The following TMOD2 variants were observed in gnomAD, a reference collection of about 807,000 sequenced individuals.
TMOD2 encodes the protein tropomodulin 2.
TMOD2 carries 22 observed loss-of-function variants against 39.9 expected under a neutral mutation model. That is an observed-to-expected ratio of 0.55 (90% CI 0.39 to 0.79). The LOEUF (loss-of-function observed/expected upper bound fraction) is 0.79. Among genes scored for constraint, TMOD2 ranks in the 30% least tolerant of loss-of-function variants. The pLI is 0.00. For synonymous variants in TMOD2, 123 were observed against 146.1 expected (o/e 0.84, Z 1.14); for missense variants, 386 against 413.3 (o/e 0.93, Z 0.57).
In TMOD2 at chr15:51,815,383, A is replaced by G. The variant is rs1292254009; in HGVS notation, c.*6929A>G. ...ATTTTTTTGTAGGCTCTTATTTAAA[A>G]TGTGTGTGTGTGTGTGTATGTGTGT... On this transcript the variant is annotated 3_prime_UTR_variant, in exon 10 of 10. Transcript: ENST00000249700. 1 of 151,286 alleles carries G rather than the reference A, an allele frequency of 6.6e-6. No homozygotes were observed. Among genetic ancestry groups the G allele is most frequent in the Non-Finnish European group, 1.5e-5 (1 of 67,744 alleles). 9.4% of individuals were successfully genotyped at this position (151,286 alleles called of 1,614,324 possible).
At chr15:51,791,036 A>G (rs2056007976) in intron 7 of TMOD2, among the ~76,000 whole-genome samples, 2 of 152,216 alleles carry the variant, frequency 1.3e-5, no homozygotes, top group African/African-American at 4.8e-5. Context: ...AATAAAGGGT[A>G]TTCAAATAGG....
Position 51,755,196 on chromosome 15 carries a change from T to C in TMOD2, c.-70+3484T>C, listed in dbSNP as rs956586177. Among the ~76,000 whole-genome samples, 3 of 152,182 alleles carry C rather than the reference T, an allele frequency of 2.0e-5. No homozygotes were observed. The East Asian group carries it at 5.8e-4, about 29-fold the overall frequency. On this transcript the variant is annotated intron_variant, in intron 1 of 9. Coordinates refer to ENST00000249700, the MANE Select transcript of TMOD2 (RefSeq NM_014548.4). ...ACGTAACTTTAAGGCTTCGTGGTTG[T>C]GTAAAATGAGATGCGCTCTTCTGCT...
intron 3 of TMOD2, among the ~76,000 whole-genome samples, chr15:51,770,991 A>G (rs1026176990): frequency 6.6e-6 from 1 of 152,214 alleles, no homozygotes; most frequent in African/African-American, 2.4e-5. Flanking sequence ...GTGACAGCAT[A>G]ATAAGTTGAA....
intron 2 of TMOD2, 28 bp downstream of exon 2, chr15:51,766,595 G>A: frequency 1.9e-6 from 3 of 1,609,404 alleles, no homozygotes; most frequent in Non-Finnish European, 2.5e-6. Context: ...GAAGCAGAGT[G>A]GTTAATGATA....
At chr15:51,792,353 T>C (rs2056018280) in intron 7 of TMOD2, among the ~76,000 whole-genome samples, 1 of 152,094 alleles carries the variant, frequency 6.6e-6, no homozygotes, top group Admixed American at 6.5e-5. Context: ...CATTAAAAAG[T>C]CAGGAAACAA....
chr15:51,808,494 C>G lies in TMOD2; in HGVS notation c.*40C>G. 6.4e-7 allele frequency: 1 copy of G among 1,568,322 alleles called. No individual in the cohort carries two copies. The highest frequency in any genetic ancestry group is 8.7e-7 in the Non-Finnish European group (1 of 1,150,512). Reference sequence around the variant, plus strand: ...AAGTGAAGTTTCACTGTGGTATGGCCATTGAAAAACAAAAACTCTTCTTCT... The same window carrying G: ...AAGTGAAGTTTCACTGTGGTATGGCGATTGAAAAACAAAAACTCTTCTTCT... On this transcript the variant is annotated 3_prime_UTR_variant, in exon 10 of 10. Transcript: ENST00000249700.
chr15:51,777,538 C>T (rs1449424349), intron 5 of TMOD2, among the ~76,000 whole-genome samples: 1 of 152,210 alleles, frequency 6.6e-6, no homozygotes, highest in African/African-American at 2.4e-5. Context: ...ACATTCCACA[C>T]CACTATCTTC....
chr15:51,760,745 G>T (rs1376198824), intron 1 of TMOD2, among the ~76,000 whole-genome samples: 2 of 152,132 alleles, frequency 1.3e-5, no homozygotes, highest in South Asian at 4.1e-4. Context: ...GGTAGAGGTT[G>T]CAGTGAGCCG....
chr15:51,781,217 G>A lies in TMOD2; in HGVS notation c.624+43G>A, dbSNP rs544418504. The stretch of plus-strand genomic sequence containing the variant: ...TCATCAGTCAGTTAATTTATCATGA[G>A]GTCAGAAAACTTACCAGAGATGACC... On this transcript the variant is annotated intron_variant, in intron 6 of 9. Transcript: ENST00000249700. 9.7e-6 allele frequency: 15 copies of A among 1,554,026 alleles called. No individual in the cohort carries two copies. The South Asian group carries it at 9.8e-5, about 10-fold the overall frequency.
intron 7 of TMOD2, among the ~76,000 whole-genome samples, chr15:51,785,966 A>C (rs1298185934): frequency 1.3e-5 from 2 of 152,202 alleles, no homozygotes; most frequent in Non-Finnish European, 2.9e-5. Context: ...CATTTAATTT[A>C]AACATTTTTA....
rs552126415 is a variant in TMOD2 at position 51,812,875 on chromosome 15, A to T, written c.*4421A>T. ...TGCCTTCCACTTGCAGCTTCCCTTTACCTCCTCTTATTGCTTTCATCTCAA... is the reference window on the plus strand; with the variant it reads ...TGCCTTCCACTTGCAGCTTCCCTTTTCCTCCTCTTATTGCTTTCATCTCAA... On this transcript the variant is annotated 3_prime_UTR_variant, in exon 10 of 10. Transcript: ENST00000249700. 1 of 152,112 alleles carries T rather than the reference A, an allele frequency of 6.6e-6. No homozygotes were observed. Among genetic ancestry groups the T allele is most frequent in the South Asian group, 2.1e-4 (1 of 4,808 alleles). 9.4% of individuals were successfully genotyped at this position (152,112 alleles called of 1,614,324 possible). A position where few individuals can be genotyped will look rare whatever the true frequency, so the allele number is the denominator to read the frequency against.
At chr15:51,756,333 G>C (rs2055741571) in intron 1 of TMOD2, 1 of 152,174 alleles carries the variant, frequency 6.6e-6, no homozygotes, top group Non-Finnish European at 1.5e-5. Flanking sequence ...GGAAAACAGA[G>C]GGAAAGAACA....
chr15:51,801,010 C>A (rs573535359), intron 8 of TMOD2, among the ~76,000 whole-genome samples: 1 of 152,090 alleles, frequency 6.6e-6, no homozygotes, highest in Non-Finnish European at 1.5e-5. Flanking sequence ...CCTAGCCTGG[C>A]GTCTCTTTAT....
intron 7 of TMOD2, among the ~76,000 whole-genome samples, chr15:51,795,724 C>T (rs1451760786): frequency 6.6e-6 from 1 of 150,912 alleles, no homozygotes; most frequent in East Asian, 2.0e-4. Flanking sequence ...TTTCTATCTT[C>T]ATCTTTTTGC....
At chr15:51,778,971 T>G (rs2055910391) in intron 5 of TMOD2, among the ~76,000 whole-genome samples, 1 of 152,102 alleles carries the variant, frequency 6.6e-6, no homozygotes, top group Non-Finnish European at 1.5e-5. Context: ...CCTTTTATTT[T>G]TTTGAGATAG....
intron 7 of TMOD2, among the ~76,000 whole-genome samples, chr15:51,797,941 T>C (rs988974285): frequency 6.6e-6 from 1 of 151,694 alleles, no homozygotes; most frequent in African/African-American, 2.4e-5. Context: ...AAAAAATCTG[T>C]AATCCTATGT....
At chr15:51,763,069 G>T (rs866354107) in intron 1 of TMOD2, among the ~76,000 whole-genome samples, 2 of 151,654 alleles carry the variant, frequency 1.3e-5, no homozygotes, top group Non-Finnish European at 1.5e-5. Context: ...CGAATAACTG[G>T]GACTACAGGC....
At chr15:51,757,526 C>CTATTTTCTGTT (rs1224823676) in intron 1 of TMOD2, among the ~76,000 whole-genome samples, 2 of 151,918 alleles carry the variant, frequency 1.3e-5, no homozygotes, top group African/African-American at 4.8e-5. Context: ...GTCTTTAATC[C>CTATTTTCTGTT]TATTTTCTGT....
At chr15:51,777,950 C>T (rs1252076751) in intron 5 of TMOD2, among the ~76,000 whole-genome samples, 1 of 151,578 alleles carries the variant, frequency 6.6e-6, no homozygotes, top group Non-Finnish European at 1.5e-5. Context: ...GGATCTAGAA[C>T]TAGAAATACC....
Sources: allele counts gnomAD v4.1 joint callset (sites outside exome capture counted in the v4.1 genomes callset), GRCh38; gene constraint gnomAD v4.1.1; transcripts MANE v1.5; gene names NCBI Gene and HGNC (gene_info 2026-07-23, HGNC 2026-07-21).